The following COL8A1 variants were observed in gnomAD, a reference collection of about 807,000 sequenced individuals.
COL8A1 encodes collagen alpha-1(VIII) chain.
COL8A1 carries 21 observed loss-of-function variants against 42.7 expected under a neutral mutation model. That is an observed-to-expected ratio of 0.49 (90% CI 0.35 to 0.71). The LOEUF (loss-of-function observed/expected upper bound fraction) is 0.71, where lower values mean the gene tolerates loss of function less well. Among genes scored for constraint, COL8A1 ranks in the 30% least tolerant of loss-of-function variants. The probability of loss-of-function intolerance (pLI) is 0.01; values close to 1 mark genes in which losing one functional copy is unlikely to be tolerated. For missense variants in COL8A1, 788 were observed against 962.4 expected (o/e 0.82, Z 2.40); for synonymous variants, 367 against 369.1 (o/e 0.99, Z 0.06).
chr3:99,746,427 A>G (rs899564914), intron 2 of COL8A1, among the ~76,000 whole-genome samples: 2 of 152,220 alleles, frequency 1.3e-5, no homozygotes, highest in African/African-American at 4.8e-5. Flanking sequence ...AACTCAACCC[A>G]GAGAAACTTT....
At chr3:99,675,629 A>G (rs1938669883) in intron 1 of COL8A1, 1 of 152,450 alleles carries the variant, frequency 6.6e-6, no homozygotes, top group South Asian at 2.1e-4. Flanking sequence ...TTTCCTTACT[A>G]TCTCCACTGA....
chr3:99,721,831 G>A lies in COL8A1; in HGVS notation c.-128-23066G>A, dbSNP rs185787336. ...TGATATGTGAAAAAACAAAAGGACG[G>A]AAGAGTCTATCTGCCTTTATTATAG... is the stretch of plus-strand genomic sequence containing the variant. On this transcript the variant is annotated intron_variant, in intron 1 of 3. Transcript: ENST00000652472. Among the ~76,000 whole-genome samples, 384 of 151,956 alleles carry A rather than the reference G, an allele frequency of 2.5e-3. 2 individuals are homozygous for A. The highest frequency in any genetic ancestry group is 3.7e-3 in the Non-Finnish European group (251 of 67,942).
chr3:99,701,623 TTTAA>T (rs1939542498), intron 1 of COL8A1, among the ~76,000 whole-genome samples: 1 of 152,180 alleles, frequency 6.6e-6, no homozygotes, highest in Admixed American at 6.5e-5. Flanking sequence ...TTGAAAGTAG[TTTAA>T]TTATTTTCTT....
At chr3:99,671,579 C>G (rs1204422583) in intron 1 of COL8A1, among the ~76,000 whole-genome samples, 1 of 151,644 alleles carries the variant, frequency 6.6e-6, no homozygotes, top group African/African-American at 2.4e-5. Flanking sequence ...GTCTTTTCAC[C>G]AACATCTTCC....
chr3:99,655,300 T>A (rs568687248), intron 1 of COL8A1, among the ~76,000 whole-genome samples: 5 of 152,308 alleles, frequency 3.3e-5, no homozygotes, highest in African/African-American at 1.2e-4. Flanking sequence ...AGCTAGCAAG[T>A]CAGCTACCTA....
At chr3:99,736,063 T>C (rs1940704834) in intron 1 of COL8A1, among the ~76,000 whole-genome samples, 1 of 152,162 alleles carries the variant, frequency 6.6e-6, no homozygotes, top group Non-Finnish European at 1.5e-5. Context: ...TTAGTCTTGC[T>C]AGCGGTCTAT....
chr3:99,677,046 T>C (rs1938719072), intron 1 of COL8A1, among the ~76,000 whole-genome samples: 1 of 150,798 alleles, frequency 6.6e-6, no homozygotes, highest in South Asian at 2.1e-4. Context: ...GGCAAAACCC[T>C]GTCTGTACAA....
At chr3:99,689,528 C>T (rs1939155426) in intron 1 of COL8A1, among the ~76,000 whole-genome samples, 1 of 152,162 alleles carries the variant, frequency 6.6e-6, no homozygotes, top group African/African-American at 2.4e-5. Flanking sequence ...GCATTAATTC[C>T]CAAGCTTTAG....
chr3:99,673,627 T>C (rs1006771860), intron 1 of COL8A1, among the ~76,000 whole-genome samples: 1 of 152,118 alleles, frequency 6.6e-6, no homozygotes, highest in Non-Finnish European at 1.5e-5. Flanking sequence ...TTGTTTTTTA[T>C]TATTTTATTT....
intron 1 of COL8A1, among the ~76,000 whole-genome samples, chr3:99,716,922 T>C (rs1018292164): frequency 6.6e-6 from 1 of 151,980 alleles, no homozygotes; most frequent in Non-Finnish European, 1.5e-5. Context: ...ATCCTAATTA[T>C]TTCCAAGGGG....
intron 2 of COL8A1, among the ~76,000 whole-genome samples, chr3:99,777,606 A>G (rs1263634604): frequency 6.6e-6 from 1 of 152,218 alleles, no homozygotes; most frequent in African/African-American, 2.4e-5. Flanking sequence ...TAGTGTAAAT[A>G]TCTTTCCAAT....
intron 1 of COL8A1, among the ~76,000 whole-genome samples, chr3:99,704,151 A>G (rs1939616437): frequency 6.6e-6 from 1 of 152,224 alleles, no homozygotes; most frequent in African/African-American, 2.4e-5. Flanking sequence ...ATGTAACTAC[A>G]GATACATAAA....
chr3:99,736,749 C>T (rs1281611437), intron 1 of COL8A1, among the ~76,000 whole-genome samples: 38 of 151,770 alleles, frequency 2.5e-4, no homozygotes, highest in African/African-American at 8.2e-4. Flanking sequence ...CTATTAGGTC[C>T]GCTTGGTGCA....
chr3:99,782,674 G>A (rs1251807891), intron 2 of COL8A1, among the ~76,000 whole-genome samples: 1 of 152,154 alleles, frequency 6.6e-6, no homozygotes, highest in East Asian at 1.9e-4. Context: ...TTACCAGCGT[G>A]AGCCACCGCA....
At chr3:99,756,710 G>A (rs1043144562) in intron 2 of COL8A1, among the ~76,000 whole-genome samples, 1 of 152,218 alleles carries the variant, frequency 6.6e-6, no homozygotes, top group Non-Finnish European at 1.5e-5. Context: ...AGGCAGCTAC[G>A]CTGTGCTGAA....
intron 2 of COL8A1, among the ~76,000 whole-genome samples, chr3:99,773,056 TATA>T (rs1199036868): frequency 6.6e-6 from 1 of 152,146 alleles, no homozygotes; most frequent in Non-Finnish European, 1.5e-5. Flanking sequence ...TCAAAATGAT[TATA>T]ATAATAGCAA....
chr3:99,667,339 T>C (rs1287413980), intron 1 of COL8A1, among the ~76,000 whole-genome samples: 1 of 152,192 alleles, frequency 6.6e-6, no homozygotes, highest in African/African-American at 2.4e-5. Context: ...TGCAACACTT[T>C]TGTGTTGTGA....
Position 99,766,092 on chromosome 3 carries a change from CCA to C in COL8A1, c.-4+21074_-4+21075del, listed in dbSNP as rs1242597634. On this transcript the variant is annotated intron_variant, in intron 2 of 3. Coordinates refer to ENST00000652472, the MANE Select transcript of COL8A1 (RefSeq NM_020351.4). ...ATTAATATCCTATTGGATCCTGGAACCACAGTAATGGCAAGAATACAAAGGCT... is the reference window on the plus strand; with the variant it reads ...ATTAATATCCTATTGGATCCTGGAACCAGTAATGGCAAGAATACAAAGGCT... 2.0e-5 allele frequency among the ~76,000 whole-genome samples: 3 copies of C among 152,262 alleles called. No individual in the cohort carries two copies. The East Asian group carries it at 5.8e-4, about 29-fold the overall frequency.
intron 2 of COL8A1, among the ~76,000 whole-genome samples, chr3:99,768,218 T>C (rs984419287): frequency 1.1e-4 from 16 of 152,338 alleles, no homozygotes; most frequent in African/African-American, 3.4e-4. Flanking sequence ...TTTTCTTTTT[T>C]GCACAGTTGT....
Sources: allele counts gnomAD v4.1 joint callset (sites outside exome capture counted in the v4.1 genomes callset), GRCh38; gene constraint gnomAD v4.1.1; transcripts MANE v1.5; gene names NCBI Gene and HGNC (gene_info 2026-07-23, HGNC 2026-07-21).